Variants in HNF4A observed in about 807,000 individuals in gnomAD.
HNF4A encodes the protein hepatocyte nuclear factor 4-alpha.
HNF4A carries 15 observed loss-of-function variants against 52.4 expected under a neutral mutation model. That is an observed-to-expected ratio of 0.29 (90% CI 0.19 to 0.44). The LOEUF (loss-of-function observed/expected upper bound fraction) is 0.44, where lower values mean the gene tolerates loss of function less well. HNF4A is among the 20% of genes least tolerant of loss of function. The pLI is 1.00. For missense variants in HNF4A, 479 were observed against 647.2 expected (o/e 0.74, Z 2.82); for synonymous variants, 280 against 264.4 (o/e 1.06, Z -0.57).
chr20:44,390,396 T>A (rs943688451), intron 1 of HNF4A: 4 of 510,246 alleles, frequency 7.8e-6, no homozygotes, highest in African/African-American at 5.8e-5. Context: ...CCTATTGGGG[T>A]TGGCTCTCTA....
chr20:44,397,535 G>A (rs918127570), upstream of HNF4A, among the ~76,000 whole-genome samples: 2 of 151,888 alleles, frequency 1.3e-5, no homozygotes, highest in African/African-American at 4.8e-5. Context: ...AACTATAATC[G>A]CTCTACTGTG....
Position 44,424,116 on chromosome 20 carries a change from C to T in HNF4A, c.991C>T (p.Arg331Cys), listed in dbSNP as rs193922479. ...CATCAACGACCGCCAGTATGACTCGCGTGGCCGCTTTGGAGAGCTGCTGCT... is the reference window on the plus strand; with the variant it reads ...CATCAACGACCGCCAGTATGACTCGTGTGGCCGCTTTGGAGAGCTGCTGCT... The change falls in exon 8 of 10, where the codon CGT becomes TGT. Residue 331 changes from arginine to cysteine, a missense_variant. Arg to Cys is a radical substitution (Grantham distance 180). Transcript: ENST00000316099. 1.1e-5 allele frequency: 17 copies of T among 1,613,386 alleles called. No homozygotes were observed. The highest frequency in any genetic ancestry group is 2.2e-5 in the East Asian group (1 of 44,890).
chr20:44,402,525 C>G (rs778134686), intron 1 of HNF4A: 2 of 1,340,754 alleles, frequency 1.5e-6, no homozygotes, highest in Admixed American at 4.0e-5. Context: ...AGATTCATAT[C>G]AGCAACATGT....
rs2063349590 is a variant in HNF4A, at chr20:44,395,998, C to T, written c.50-10060C>T. On this transcript the variant is annotated intron_variant, in intron 1 of 9. Coordinates refer to the HNF4A transcript ENST00000316673. ...TACCCCGGGATAAGGTGCTTTACTTCTCAGGTCCTTGAGTTCCCCTGCAAG... is the reference window on the plus strand; with the variant it reads ...TACCCCGGGATAAGGTGCTTTACTTTTCAGGTCCTTGAGTTCCCCTGCAAG... 5.3e-5 allele frequency among the ~76,000 whole-genome samples: 8 copies of T among 152,168 alleles called. No homozygotes were observed. The South Asian group carries it at 1.7e-3, about 32-fold the overall frequency.
intron 1 of HNF4A, among the ~76,000 whole-genome samples, chr20:44,361,576 A>C (rs139889410): frequency 0.024 from 3,597 of 152,132 alleles, 126 homozygotes; most frequent in African/African-American, 0.083. Context: ...TGGGTGGATC[A>C]CCTGAGGTCA....
At chr20:44,394,503 C>T (rs945063149) in intron 1 of HNF4A, among the ~76,000 whole-genome samples, 3 of 152,180 alleles carry the variant, frequency 2.0e-5, no homozygotes, top group South Asian at 4.1e-4. Context: ...AAAACCCCAG[C>T]CCACATCCTC....
intron 1 of HNF4A, among the ~76,000 whole-genome samples, chr20:44,364,534 G>A (rs1034109136): frequency 2.6e-5 from 4 of 151,618 alleles, no homozygotes; most frequent in African/African-American, 4.9e-5. Context: ...GCAGCGGCAC[G>A]ATCTTGGCTC....
chr20:44,427,031 T>C lies in HNF4A; in HGVS notation c.1130-1304T>C, dbSNP rs1313351225. The stretch of plus-strand genomic sequence containing the variant: ...GGTTTCTCAACATTGGTACTATTGA[T>C]ACTTGGAACTGGACAATTCTTTGTT... On this transcript the variant is annotated intron_variant, in intron 8 of 9. Transcript: ENST00000316099. Among the ~76,000 whole-genome samples, 3 of 152,224 alleles carry C rather than the reference T, an allele frequency of 2.0e-5. No homozygotes were observed. In the East Asian group the frequency reaches 5.8e-4, roughly 29 times the overall value.
At chr20:44,388,092 T>G (rs1046214482) in intron 1 of HNF4A, among the ~76,000 whole-genome samples, 4 of 125,004 alleles carry the variant, frequency 3.2e-5, no homozygotes, top group Non-Finnish European at 4.7e-5. Context: ...ACACATTAAT[T>G]TTTTTTTTTA....
intron 1 of HNF4A, among the ~76,000 whole-genome samples, chr20:44,365,733 G>T (rs111717426): frequency 6.6e-6 from 1 of 152,064 alleles, no homozygotes; most frequent in Admixed American, 6.6e-5. Context: ...TTGGCCGGAC[G>T]CCGTGGCTCA....
chr20:44,390,326 A>G (rs2063286318), intron 1 of HNF4A: 1 of 372,352 alleles, frequency 2.7e-6, no homozygotes, highest in Non-Finnish European at 4.9e-6. Flanking sequence ...CAAGCCCTCC[A>G]GAGAGACAAC....
chr20:44,434,067 G>A (rs2063902628), downstream of HNF4A: 1 of 152,198 alleles, frequency 6.6e-6, no homozygotes, highest in African/African-American at 2.4e-5. Flanking sequence ...GCCTACATAT[G>A]GGGACATCCT....
At chr20:44,380,085 G>A (rs1457247014) in intron 1 of HNF4A, among the ~76,000 whole-genome samples, 1 of 151,416 alleles carries the variant, frequency 6.6e-6, no homozygotes, top group Admixed American at 6.6e-5. Flanking sequence ...TGCCATGTTG[G>A]CCAGGCTGGT....
At chr20:44,414,356 T>C in intron 4 of HNF4A, 151 bp from the exon 5 acceptor site, 1 of 1,115,006 alleles carries the variant, frequency 9.0e-7, no homozygotes. Flanking sequence ...CCTCCCTCCG[T>C]TTTTACCCTG....
intron 3 of HNF4A, among the ~76,000 whole-genome samples, chr20:44,412,703 C>T (rs2063603420): frequency 6.6e-6 from 1 of 152,056 alleles, no homozygotes; most frequent in African/African-American, 2.4e-5. Flanking sequence ...AGACAGCGGG[C>T]CTGGGAGCAG....
At chr20:44,423,557 A>G (rs753007343) in intron 7 of HNF4A, among the ~76,000 whole-genome samples, 12 of 152,146 alleles carry the variant, frequency 7.9e-5, no homozygotes, top group Non-Finnish European at 1.6e-4. Flanking sequence ...AGGGAAGGGG[A>G]GCCTATTCTA....
rs1026516875 is a variant in HNF4A, at chr20:44,401,809, C to T, written c.115+322C>T. 9.9e-5 allele frequency among the ~76,000 whole-genome samples: 15 copies of T among 152,182 alleles called. 1 individual carries two copies. Among genetic ancestry groups the T allele is most frequent in the Admixed American group, 9.2e-4 (14 of 15,282 alleles). On this transcript the variant is annotated intron_variant, in intron 1 of 9. Transcript: ENST00000316099. ...GGCACAGTGACGTGATGGTGAGCTC[C>T]CCCTTGGTGCCCAGCTCCAGCGATT... is the stretch of plus-strand genomic sequence containing the variant.
At chr20:44,404,106 A>G (rs1005612388) in intron 1 of HNF4A, among the ~76,000 whole-genome samples, 4 of 152,160 alleles carry the variant, frequency 2.6e-5, no homozygotes, top group African/African-American at 9.6e-5. Flanking sequence ...CTGCTTGTGC[A>G]AGGAGCCTGG....
chr20:44,388,171 C>G (rs1000473674), intron 1 of HNF4A, among the ~76,000 whole-genome samples: 1 of 151,854 alleles, frequency 6.6e-6, no homozygotes, highest in African/African-American at 2.4e-5. Flanking sequence ...TCACTGCAGC[C>G]TCCAACTCCT....
Sources: gnomAD v4.1 joint callset for allele counts (sites outside exome capture counted in the v4.1 genomes callset) on GRCh38, gnomAD v4.1.1 for gene constraint, MANE v1.5 for transcripts, NCBI Gene and HGNC (gene_info 2026-07-23, HGNC 2026-07-21) for gene names.